Variants in HIBCH observed in about 807,000 individuals in gnomAD.
HIBCH encodes the protein 3-hydroxyisobutyryl-CoA hydrolase, also known as 3-hydroxyisobutyryl-CoA hydrolase, mitochondrial.
Under a neutral mutation model 58.2 loss-of-function variants are expected in HIBCH, and 50 were observed. The ratio of observed to expected loss-of-function variants is 0.86; its 90% CI spans 0.68 to 1.09. HIBCH has a LOEUF of 1.09. Ranked by LOEUF, HIBCH falls within the 50% of genes least tolerant of loss-of-function variation. HIBCH has a pLI of 0.00. For synonymous variants in HIBCH, 151 were observed against 146.9 expected, an observed-to-expected ratio of 1.03 and a Z score of -0.20; for missense variants, 450 against 449.7, an observed-to-expected ratio of 1.00 and a Z score of -0.01.
At chr2:190,295,462 T>C (rs1027496404) in intron 3 of HIBCH, among the ~76,000 whole-genome samples, 8 of 152,244 alleles carry the variant, frequency 5.3e-5, no homozygotes, top group Non-Finnish European at 8.8e-5. Context: ...CACTTGTATT[T>C]TGACTGCGAG....
chr2:190,195,385 A>G (rs1353593583), intron 1 of HIBCH, among the ~76,000 whole-genome samples: 1 of 152,232 alleles, frequency 6.6e-6, no homozygotes, highest in Non-Finnish European at 1.5e-5. Context: ...TTCACTTTCT[A>G]AGAAACTGCC....
chr2:190,310,680 T>C, intron 2 of HIBCH, 74 bp downstream of exon 2: 1 of 1,212,400 alleles, frequency 8.2e-7, no homozygotes, highest in Non-Finnish European at 1.2e-6. Context: ...TACCAGTATT[T>C]CTCTACTTCT....
At chr2:190,259,941 A>G (rs1687042220) in intron 7 of HIBCH, among the ~76,000 whole-genome samples, 1 of 152,200 alleles carries the variant, frequency 6.6e-6, no homozygotes, top group African/African-American at 2.4e-5. Flanking sequence ...AATGAAAAAT[A>G]TATACCTTAA....
intron 6 of HIBCH, among the ~76,000 whole-genome samples, chr2:190,270,280 T>TTTTA (rs1553502974): frequency 1.1e-4 from 16 of 148,350 alleles, no homozygotes; most frequent in South Asian, 6.5e-4. Context: ...TTTTTTTTTT[T>TTTTA]AAAAAAAAAG....
intron 11 of HIBCH, among the ~76,000 whole-genome samples, chr2:190,218,347 T>C (rs992602030): frequency 6.6e-6 from 1 of 152,000 alleles, no homozygotes; most frequent in Non-Finnish European, 1.5e-5. Flanking sequence ...ACTGTAAAAA[T>C]TTAAAATGCA....
chr2:190,196,446 T>A (rs930973138), intron 1 of HIBCH, among the ~76,000 whole-genome samples: 1 of 152,094 alleles, frequency 6.6e-6, no homozygotes, highest in Non-Finnish European at 1.5e-5. Flanking sequence ...TCACTAGTTT[T>A]TCCTTTATTT....
At chr2:190,309,128 G>A (rs1688490274) in intron 2 of HIBCH, among the ~76,000 whole-genome samples, 1 of 152,082 alleles carries the variant, frequency 6.6e-6, no homozygotes, top group East Asian at 1.9e-4. Context: ...TAGTAATAAA[G>A]GGTTTTTATA....
rs1411644784 is a variant in HIBCH at position 190,243,424 on chromosome 2, A to G, written c.891+1463T>C. 6.6e-6 allele frequency among the ~76,000 whole-genome samples: 1 copy of G among 152,166 alleles called. No individual in the cohort carries two copies. The highest frequency in any genetic ancestry group is 1.9e-4 in the East Asian group (1 of 5,204). ...TTAATAAACTCCCCTTTATATACATATCTCCTATTAGTTCTTTCCCTCTAG... is the reference window on the plus strand; with the variant it reads ...TTAATAAACTCCCCTTTATATACATGTCTCCTATTAGTTCTTTCCCTCTAG... On this transcript the variant is annotated intron_variant, in intron 11 of 13. Transcript: ENST00000359678. This position sits in a 1 kb window ranked among gnomAD's most constrained non-coding sequence, Gnocchi z 4.1.
intron 7 of HIBCH, among the ~76,000 whole-genome samples, chr2:190,255,200 A>T (rs1686888073): frequency 6.6e-6 from 1 of 152,088 alleles, no homozygotes; most frequent in South Asian, 2.1e-4. Flanking sequence ...TTAAATCTTA[A>T]CTCTTCACCA....
At position 190,254,198 on chromosome 2, in the gene HIBCH, C is replaced by T. The variant is rs113193163; in HGVS notation, c.518-1891G>A. ...CCCTCGATGTAACTGCATTTGGAAG[C>T]AGGGCCTTTGAAGAGGTAATTAAGT... On this transcript the variant is annotated intron_variant, in intron 7 of 13. Transcript: ENST00000359678. The surrounding 1 kb of genome is among the most constrained non-coding windows in gnomAD (Gnocchi z 5.0). Among the ~76,000 whole-genome samples the T allele has an allele frequency of 6.7e-3, 1,018 of 152,196 alleles. 12 individuals are homozygous for T. Among genetic ancestry groups the T allele is most frequent in the African/African-American group, 0.022 (923 of 41,522 alleles).
intron 11 of HIBCH, among the ~76,000 whole-genome samples, chr2:190,218,211 C>T (rs1041436093): frequency 2.0e-5 from 3 of 151,746 alleles, no homozygotes; most frequent in Admixed American, 6.6e-5. Context: ...TTATTGGGCC[C>T]TCTCAAAAAA....
intron 4 of HIBCH, among the ~76,000 whole-genome samples, chr2:190,293,906 T>C (rs1353743305): frequency 1.3e-5 from 2 of 151,682 alleles, no homozygotes; most frequent in East Asian, 3.9e-4. Flanking sequence ...TAAATGTGTA[T>C]AGACAGACTG....
chr2:190,286,301 T>C (rs1687825692), intron 6 of HIBCH, among the ~76,000 whole-genome samples: 1 of 152,246 alleles, frequency 6.6e-6, no homozygotes, highest in Non-Finnish European at 1.5e-5. Context: ...ATCATACTTC[T>C]ATATGACTGT....
intron 6 of HIBCH, among the ~76,000 whole-genome samples, chr2:190,282,758 C>A (rs2664250): frequency 0.97 from 148,095 of 152,130 alleles, 72,125 homozygotes; most frequent in Admixed American, 0.98. Flanking sequence ...ACTCTTTCAA[C>A]GGCTATACAA....
chr2:190,265,463 T>TTA (rs1687207357), intron 6 of HIBCH, among the ~76,000 whole-genome samples: 1 of 151,996 alleles, frequency 6.6e-6, no homozygotes, highest in African/African-American at 2.4e-5. Context: ...CTCTTTTTTT[T>TTA]TTTTTTACTG....
At chr2:190,264,463 C>T (rs1687176287) in intron 6 of HIBCH, among the ~76,000 whole-genome samples, 1 of 152,108 alleles carries the variant, frequency 6.6e-6, no homozygotes, top group African/African-American at 2.4e-5. Context: ...AGTCACTACA[C>T]CCTCCATCCC....
chr2:190,244,576 CTAAAACCTTCCTCCA>C (rs1686552353), intron 11 of HIBCH, among the ~76,000 whole-genome samples: 1 of 152,128 alleles, frequency 6.6e-6, no homozygotes, highest in South Asian at 2.1e-4. Context: ...TAAAATGTCC[CTAAAACCTTCCTCCA>C]TAGGACAAGG....
intron 5 of HIBCH, among the ~76,000 whole-genome samples, chr2:190,289,742 A>C (rs1006233053): frequency 6.6e-6 from 1 of 152,132 alleles, no homozygotes; most frequent in Non-Finnish European, 1.5e-5. Flanking sequence ...CCTCCAATGA[A>C]ACCTAGAACC....
At chr2:190,222,089 C>G (rs1008906684) in intron 11 of HIBCH, among the ~76,000 whole-genome samples, 1 of 152,212 alleles carries the variant, frequency 6.6e-6, no homozygotes, top group African/African-American at 2.4e-5. Context: ...TAAAAAAGCA[C>G]TGACTGTAAC....
Sources: allele counts gnomAD v4.1 joint callset (sites outside exome capture counted in the v4.1 genomes callset), GRCh38; gene constraint gnomAD v4.1.1; non-coding constraint Gnocchi (gnomAD v3.1); transcripts MANE v1.5; gene names NCBI Gene and HGNC (gene_info 2026-07-23, HGNC 2026-07-21).